The following PIEZO2 variants were observed in gnomAD, a reference collection of about 807,000 sequenced individuals.
PIEZO2 encodes piezo-type mechanosensitive ion channel component 2.
PIEZO2 carries 172 observed loss-of-function variants against 337.3 expected under a neutral mutation model. That is an observed-to-expected ratio of 0.51 (90% CI 0.45 to 0.58). The LOEUF (loss-of-function observed/expected upper bound fraction) is 0.58. PIEZO2 is among the 20% of genes least tolerant of loss of function. PIEZO2 has a pLI of 0.00. For synonymous variants in PIEZO2, 1,251 were observed against 1,228.5 expected (o/e 1.02, Z -0.38); for missense variants, 3,028 against 3,391.3 (o/e 0.89, Z 2.66).
chr18:10,964,040 G>GC (rs2033896947), intron 3 of PIEZO2, among the ~76,000 whole-genome samples: 1 of 152,150 alleles, frequency 6.6e-6, no homozygotes, highest in South Asian at 2.1e-4. Flanking sequence ...GCTGCCTTGT[G>GC]AATGAGTGAA....
At chr18:10,778,335 C>CT (rs764803228) in intron 18 of PIEZO2, among the ~76,000 whole-genome samples, 8,414 of 127,716 alleles carry the variant, frequency 0.066, 294 homozygotes, top group Non-Finnish European at 0.076. Context: ...TCTGGCTGCT[C>CT]TTTTTTTTTT....
chr18:11,142,261 T>C (rs1225000409), intron 1 of PIEZO2, among the ~76,000 whole-genome samples: 1 of 152,238 alleles, frequency 6.6e-6, no homozygotes, highest in Non-Finnish European at 1.5e-5. Context: ...TACGTTGCTG[T>C]TAAATTTTAA....
chr18:10,680,513 G>A, intron 51 of PIEZO2, 142 bp from the exon 52 acceptor site: 1 of 811,182 alleles, frequency 1.2e-6, no homozygotes, highest in South Asian at 1.9e-5. Context: ...ATGGTCTTGA[G>A]TGTTCCATTG....
At chr18:10,695,115 C>T (rs976870685) in intron 47 of PIEZO2, among the ~76,000 whole-genome samples, 14 of 152,356 alleles carry the variant, frequency 9.2e-5, no homozygotes, top group Admixed American at 6.5e-4. Flanking sequence ...GCAGATATTT[C>T]CCATTTATAA....
At chr18:10,994,297 T>C (rs1038900519) in intron 2 of PIEZO2, among the ~76,000 whole-genome samples, 13 of 152,210 alleles carry the variant, frequency 8.5e-5, no homozygotes, top group African/African-American at 2.4e-4. Context: ...GCTATAAACA[T>C]GCATATGCAA....
At chr18:10,671,915 TC>T (rs1308462591) in intron 55 of PIEZO2, 136 bp from the exon 56 acceptor site, 1 of 811,062 alleles carries the variant, frequency 1.2e-6, no homozygotes, top group African/African-American at 1.8e-5. Flanking sequence ...TTACATTTTT[TC>T]CCTTTGGTTA....
chr18:10,704,687 T>C, intron 41 of PIEZO2, 35 bp from the exon 42 acceptor site: 1 of 1,516,782 alleles, frequency 6.6e-7, no homozygotes, highest in Non-Finnish European at 8.8e-7. Context: ...TATGTCTATT[T>C]TTTTTCTTCT....
At position 10,692,225 on chromosome 18, in the gene PIEZO2, G is replaced by T. The variant is rs1474184690; in HGVS notation, c.7191-842C>A. 2.6e-5 allele frequency among the ~76,000 whole-genome samples: 4 copies of T among 152,254 alleles called. No individual in the cohort carries two copies. In the South Asian group the frequency reaches 8.3e-4, roughly 32 times the overall value. On this transcript the variant is annotated intron_variant, in intron 47 of 55. Transcript: ENST00000674853. ...ATTTTAGAATATAATTTCAAAGAAT[G>T]ATGAGCTATAGGACCACTTTAAACT...
rs1325186528 is a variant in PIEZO2, at chr18:11,059,672, A to G, written c.160+6455T>C. Among the ~76,000 whole-genome samples the G allele has an allele frequency of 5.3e-5, 8 of 152,352 alleles. No individual in the cohort carries two copies. The East Asian group carries it at 1.5e-3, about 29-fold the overall frequency. Reference sequence around the variant, plus strand: ...AAAGAGACAAAGAAGGCCATTACATAATGGTAAAGGGATCAATTCAACAAG... The same window carrying G: ...AAAGAGACAAAGAAGGCCATTACATGATGGTAAAGGGATCAATTCAACAAG... On this transcript the variant is annotated intron_variant, in intron 2 of 55. Coordinates refer to ENST00000674853, the MANE Select transcript of PIEZO2 (RefSeq NM_001378183.1).
At chr18:11,068,111 G>A (rs1285560119) in intron 1 of PIEZO2, among the ~76,000 whole-genome samples, 2 of 152,094 alleles carry the variant, frequency 1.3e-5, no homozygotes, top group Non-Finnish European at 2.9e-5. Flanking sequence ...TAGTGGAGAT[G>A]GGGTTTCACT....
Position 11,083,816 on chromosome 18 carries a change from T to C in PIEZO2, c.65-17594A>G, listed in dbSNP as rs976908739. Among the ~76,000 whole-genome samples the C allele has an allele frequency of 2.0e-5, 3 of 152,230 alleles. No individual in the cohort carries two copies. Among genetic ancestry groups the C allele is most frequent in the African/African-American group, 2.4e-5 (1 of 41,452 alleles). Reference sequence around the variant, plus strand: ...TTCCATGTGACAGCCAGCTGTATACTTGTTTGATATCAAAACAACCAGTCT... The same window carrying C: ...TTCCATGTGACAGCCAGCTGTATACCTGTTTGATATCAAAACAACCAGTCT... On this transcript the variant is annotated intron_variant, in intron 1 of 55. Coordinates refer to ENST00000674853, the MANE Select transcript of PIEZO2 (RefSeq NM_001378183.1). The surrounding 1 kb of genome is among the most constrained non-coding windows in gnomAD (Gnocchi z 4.4).
At position 10,757,954 on chromosome 18, in the gene PIEZO2, T is replaced by C. The variant is rs759432613; in HGVS notation, c.3923+15A>G. On this transcript the variant is annotated intron_variant, in intron 27 of 55. Transcript: ENST00000674853. ...ACATCAAAGTGGCTTTTAGCAAATG[T>C]GAAGCTCTTGTTACCTGCAGTGAAT... 15 of 1,527,208 alleles carry C rather than the reference T, an allele frequency of 9.8e-6. No individual in the cohort carries two copies. Among genetic ancestry groups the C allele is most frequent in the Non-Finnish European group, 1.2e-5 (14 of 1,141,778 alleles). 94.6% of individuals were successfully genotyped at this position (1,527,208 alleles called of 1,614,324 possible).
In PIEZO2 at chr18:11,027,471, T is replaced by C. The variant is rs536112570; in HGVS notation, c.160+38656A>G. Among the ~76,000 whole-genome samples the C allele has an allele frequency of 4.1e-4, 63 of 152,330 alleles. No individual in the cohort carries two copies. Among genetic ancestry groups the C allele is most frequent in the African/African-American group, 1.4e-3 (60 of 41,578 alleles). On this transcript the variant is annotated intron_variant, in intron 2 of 55. Transcript: ENST00000674853. The surrounding 1 kb of genome is among the most constrained non-coding windows in gnomAD (Gnocchi z 4.2). Reference sequence around the variant, plus strand: ...ATCAAATTGACAATGAAGCAGGAGATATAATCATTTAAAATTTAATTTTCA... The same window carrying C: ...ATCAAATTGACAATGAAGCAGGAGACATAATCATTTAAAATTTAATTTTCA...
intron 39 of PIEZO2, among the ~76,000 whole-genome samples, chr18:10,712,024 G>A (rs1358932409): frequency 3.3e-5 from 5 of 152,322 alleles, no homozygotes; most frequent in Admixed American, 6.5e-5. Flanking sequence ...GGACATTTAC[G>A]TGTAGAGAAT....
intron 7 of PIEZO2, among the ~76,000 whole-genome samples, chr18:10,816,387 C>T (rs755307393): frequency 1.3e-5 from 2 of 152,162 alleles, no homozygotes; most frequent in Non-Finnish European, 2.9e-5. Flanking sequence ...GTTTTCTATA[C>T]ATGGGCCATG....
At chr18:11,135,879 A>G (rs1437296955) in intron 1 of PIEZO2, among the ~76,000 whole-genome samples, 1 of 152,238 alleles carries the variant, frequency 6.6e-6, no homozygotes, top group East Asian at 1.9e-4. Flanking sequence ...CATTATCAAC[A>G]TAGATCCCAG....
At chr18:11,100,876 T>G (rs1294121021) in intron 1 of PIEZO2, among the ~76,000 whole-genome samples, 1 of 152,228 alleles carries the variant, frequency 6.6e-6, no homozygotes, top group African/African-American at 2.4e-5. Context: ...ATTACAGGCA[T>G]GAGCCACCGT....
chr18:11,023,253 C>T lies in PIEZO2; in HGVS notation c.160+42874G>A, dbSNP rs540723080. On this transcript the variant is annotated intron_variant, in intron 2 of 55. Transcript: ENST00000674853. ...GGCCCCACCCACAACCTGCTGATTG[C>T]TCCATTTTACAGAGAGCCGAGTGGT... 4.6e-5 allele frequency among the ~76,000 whole-genome samples: 7 copies of T among 152,242 alleles called. No homozygotes were observed. In the East Asian group the frequency reaches 1.2e-3, roughly 25 times the overall value.
chr18:10,944,887 G>A (rs2032936918), intron 3 of PIEZO2, among the ~76,000 whole-genome samples: 1 of 151,982 alleles, frequency 6.6e-6, no homozygotes, highest in Non-Finnish European at 1.5e-5. Context: ...CCTAAGGGGG[G>A]AGAAAAAGAA....
Sources: allele counts gnomAD v4.1 joint callset (sites outside exome capture counted in the v4.1 genomes callset), GRCh38; gene constraint gnomAD v4.1.1; non-coding constraint Gnocchi (gnomAD v3.1); transcripts MANE v1.5; gene names NCBI Gene and HGNC (gene_info 2026-07-23, HGNC 2026-07-21).